GABRB3: variants seen among roughly 807,000 people sequenced by gnomAD.
GABRB3 encodes gamma-aminobutyric acid type A receptor subunit beta3.
Under a neutral mutation model 52.1 loss-of-function variants are expected in GABRB3, and 14 were observed. The observed-to-expected ratio is 0.27, with a 90% CI of 0.18 to 0.42. The LOEUF is 0.42. Among genes scored for constraint, GABRB3 ranks in the 10% least tolerant of loss-of-function variants. The pLI, the probability that GABRB3 is intolerant of heterozygous loss-of-function variation, is 1.00. For synonymous variants in GABRB3, 260 were observed against 232.3 expected (o/e 1.12, Z -1.08); for missense variants, 307 against 609.1 (o/e 0.50, Z 5.22).
intron 3 of GABRB3, among the ~76,000 whole-genome samples, chr15:26,693,284 T>A (rs775286782): frequency 7.2e-5 from 11 of 152,182 alleles, no homozygotes; most frequent in Non-Finnish European, 1.3e-4. Context: ...CTGAATTCAC[T>A]CAGCTGATTA....
chr15:26,723,799 G>A (rs1680675246), intron 3 of GABRB3, among the ~76,000 whole-genome samples: 1 of 152,114 alleles, frequency 6.6e-6, no homozygotes, highest in African/African-American at 2.4e-5. Flanking sequence ...TTATCCATGA[G>A]GCAAACCAAG....
intron 3 of GABRB3, among the ~76,000 whole-genome samples, chr15:26,653,919 G>C (rs1300035165): frequency 6.6e-6 from 1 of 152,116 alleles, no homozygotes; most frequent in East Asian, 1.9e-4. Context: ...GAAAATTTGG[G>C]AAGCAGCTTG....
intron 3 of GABRB3, among the ~76,000 whole-genome samples, chr15:26,752,129 T>C (rs564611101): frequency 6.6e-6 from 1 of 152,284 alleles, no homozygotes; most frequent in South Asian, 2.1e-4. Flanking sequence ...GTTCTCCCTG[T>C]AACCACAGTA....
At chr15:26,754,734 T>A (rs933831458) in intron 3 of GABRB3, among the ~76,000 whole-genome samples, 1 of 152,080 alleles carries the variant, frequency 6.6e-6, no homozygotes, top group Admixed American at 6.6e-5. Context: ...ACACCCTCAT[T>A]GCACTCCAAC....
chr15:26,731,179 T>C (rs1434892272), intron 3 of GABRB3, among the ~76,000 whole-genome samples: 1 of 152,220 alleles, frequency 6.6e-6, no homozygotes, highest in Non-Finnish European at 1.5e-5. Flanking sequence ...GAGATCACTT[T>C]ATAGAACACC....
At chr15:26,595,253 A>T (rs188178979) in intron 4 of GABRB3, among the ~76,000 whole-genome samples, 1 of 152,262 alleles carries the variant, frequency 6.6e-6, no homozygotes, top group East Asian at 1.9e-4. Flanking sequence ...TGAGATGAAC[A>T]TCTTGCTTCA....
rs551859087 is a variant in GABRB3, at chr15:26,547,714, A to G, written c.*79T>C. The G allele has an allele frequency of 2.8e-6, 3 of 1,069,638 alleles. No individual in the cohort carries two copies. The South Asian group carries it at 3.8e-5, about 14-fold the overall frequency. The allele number at this position is 1,069,638 out of a possible 1,614,324, so 66.3% of individuals were successfully genotyped here. ...TGTCTGCTTGTGTGTCTGTGTGTGT[A>G]CAGGTATAAAAACTTGACAGGCAGA... On this transcript the variant is annotated 3_prime_UTR_variant, in exon 9 of 9. Transcript: ENST00000311550.
At chr15:26,684,356 G>C (rs528632863) in intron 3 of GABRB3, among the ~76,000 whole-genome samples, 2 of 152,150 alleles carry the variant, frequency 1.3e-5, no homozygotes, top group Non-Finnish European at 2.9e-5. Context: ...AGCTGAAGGC[G>C]GTCAATCTAG....
At chr15:26,746,113 T>C (rs112850165) in intron 3 of GABRB3, among the ~76,000 whole-genome samples, 6,186 of 152,310 alleles carry the variant, frequency 0.041, 143 homozygotes, top group Middle Eastern at 0.078. Flanking sequence ...CTACCCAGTA[T>C]TAAACAGTGT....
rs967961374 is a variant in GABRB3 at position 26,704,183 on chromosome 15, G to A, written c.240+68219C>T. Among the ~76,000 whole-genome samples the A allele has an allele frequency of 2.6e-5, 4 of 152,206 alleles. No homozygotes were observed. The South Asian group carries it at 8.3e-4, about 31-fold the overall frequency. ...TAAGGGTACACTGCCAAGGCCTAGAGCCACTGTCAGAGCCACAGTTCAGCC... is the reference window on the plus strand; with the variant it reads ...TAAGGGTACACTGCCAAGGCCTAGAACCACTGTCAGAGCCACAGTTCAGCC... On this transcript the variant is annotated intron_variant, in intron 3 of 8. Coordinates refer to ENST00000311550, the MANE Select transcript of GABRB3 (RefSeq NM_000814.6).
chr15:26,592,241 A>C (rs1440981501), intron 4 of GABRB3, among the ~76,000 whole-genome samples: 1 of 152,182 alleles, frequency 6.6e-6, no homozygotes, highest in Non-Finnish European at 1.5e-5. Context: ...TTAAGTGACA[A>C]TTAGGCGTAA....
chr15:26,643,936 G>A lies in GABRB3; in HGVS notation c.241-22402C>T, dbSNP rs77843902. ...ACACCGTCTGCCTTAGTGGGGCTTC[G>A]TGGAATTCAATGAGAGAGGCAGACA... is the stretch of plus-strand genomic sequence containing the variant. On this transcript the variant is annotated intron_variant, in intron 3 of 8. Coordinates refer to ENST00000311550, the MANE Select transcript of GABRB3 (RefSeq NM_000814.6). Among the ~76,000 whole-genome samples, 550 of 152,284 alleles carry A rather than the reference G, an allele frequency of 3.6e-3. 1 individual carries two copies. Among genetic ancestry groups the A allele is most frequent in the African/African-American group, 0.012 (503 of 41,556 alleles).
At position 26,545,573 on chromosome 15, in the gene GABRB3, C is replaced by A. The variant is rs983572080; in HGVS notation, c.*2220G>T. 5 of 152,560 alleles carry A rather than the reference C, an allele frequency of 3.3e-5. No individual in the cohort carries two copies. Among genetic ancestry groups the A allele is most frequent in the African/African-American group, 1.2e-4 (5 of 41,448 alleles). 9.5% of individuals were successfully genotyped at this position (152,560 alleles called of 1,614,324 possible). On this transcript the variant is annotated 3_prime_UTR_variant, in exon 9 of 9. Transcript: ENST00000311550. Reference sequence around the variant, plus strand: ...CCATTTACATTTTGGGGTCCCTCTTCTGCATGTGGACCTCACACCTTTAAT... The same window carrying A: ...CCATTTACATTTTGGGGTCCCTCTTATGCATGTGGACCTCACACCTTTAAT...
intron 3 of GABRB3, chr15:26,642,450 C>T (rs983565082): frequency 1.6e-6 from 2 of 1,286,686 alleles, no homozygotes; most frequent in Non-Finnish European, 2.0e-6. Flanking sequence ...ATTCCAAACT[C>T]CTGGAAAGGA....
intron 3 of GABRB3, among the ~76,000 whole-genome samples, chr15:26,731,585 T>C (rs1889915859): frequency 6.6e-6 from 1 of 152,152 alleles, no homozygotes; most frequent in Non-Finnish European, 1.5e-5. Flanking sequence ...TCCTTTGAAA[T>C]TCAGCTCAAC....
chr15:26,600,394 C>G (rs1393022985), intron 4 of GABRB3, among the ~76,000 whole-genome samples: 1 of 152,020 alleles, frequency 6.6e-6, no homozygotes, highest in Non-Finnish European at 1.5e-5. Flanking sequence ...AGTCACCAAT[C>G]AAATTCAACC....
chr15:26,737,448 C>G (rs541053260), intron 3 of GABRB3, among the ~76,000 whole-genome samples: 29 of 152,322 alleles, frequency 1.9e-4, no homozygotes, highest in Admixed American at 1.8e-3. Flanking sequence ...TGTCAGTCCT[C>G]AGGCCCCTGC....
intron 7 of GABRB3, 110 bp downstream of exon 7, chr15:26,567,470 CT>C (rs1428177122): frequency 3.0e-6 from 3 of 1,001,110 alleles, no homozygotes; most frequent in African/African-American, 1.6e-5. Flanking sequence ...ACAGGCAATG[CT>C]TGTGTCACGC....
chr15:26,570,528 C>T (rs1567116442), intron 6 of GABRB3, among the ~76,000 whole-genome samples: 1 of 152,212 alleles, frequency 6.6e-6, no homozygotes, highest in Non-Finnish European at 1.5e-5. Context: ...CCACAAACAT[C>T]AAAACACGCA....
Sources: allele counts gnomAD v4.1 joint callset (sites outside exome capture counted in the v4.1 genomes callset), GRCh38; gene constraint gnomAD v4.1.1; transcripts MANE v1.5; gene names NCBI Gene and HGNC (gene_info 2026-07-23, HGNC 2026-07-21).